Variants in WDFY4 observed in about 807,000 individuals in gnomAD.
WDFY4 encodes WD repeat- and FYVE domain-containing protein 4.
In WDFY4, 169 loss-of-function variants were observed where a neutral mutation model predicts 351.9. The observed-to-expected ratio is 0.48, with a 90% CI of 0.42 to 0.55. The LOEUF is 0.55. Ranked by LOEUF, WDFY4 falls within the 20% of genes least tolerant of loss-of-function variation. The pLI, the probability that WDFY4 is intolerant of heterozygous loss-of-function variation, is 0.00. For synonymous variants in WDFY4, 1,622 were observed against 1,574.6 expected (o/e 1.03, Z -0.71); for missense variants, 3,803 against 3,935.6 (o/e 0.97, Z 0.90).
chr10:48,729,493 G>C lies in WDFY4; in HGVS notation c.1033G>C (p.Val345Leu), dbSNP rs1165151021. Reference protein sequence around the residue: ...PHLEELLGLVVWLTTCGRSEL... With the variant: ...PHLEELLGLVLWLTTCGRSEL... ...TCTGGAGGAGCTCCTTGGGCTGGTGGTGTGGCTGACAACCTGTGGGAGGTC... is the reference window on the plus strand; with the variant it reads ...TCTGGAGGAGCTCCTTGGGCTGGTGCTGTGGCTGACAACCTGTGGGAGGTC... Residue 345 changes from valine (V) to leucine (L), a missense_variant, in exon 8 of 62, where the codon GTG (valine) becomes CTG (leucine). Val to Leu is a conservative substitution (Grantham distance 32, BLOSUM62 1). Coordinates refer to ENST00000325239, the MANE Select transcript of WDFY4 (RefSeq NM_001394531.1). 6.4e-7 allele frequency: 1 copy of C among 1,551,614 alleles called. No homozygotes were observed. Among genetic ancestry groups the C allele is most frequent in the Non-Finnish European group, 8.7e-7 (1 of 1,147,018 alleles).
intron 11 of WDFY4, among the ~76,000 whole-genome samples, chr10:48,738,255 A>G (rs890416355): frequency 5.9e-5 from 9 of 152,246 alleles, no homozygotes; most frequent in African/African-American, 1.9e-4. Context: ...GCTCATAGAA[A>G]GTTCCTTTTG....
chr10:48,897,976 C>A (rs993368402), intron 45 of WDFY4, among the ~76,000 whole-genome samples: 7 of 152,122 alleles, frequency 4.6e-5, no homozygotes, highest in African/African-American at 1.7e-4. Context: ...AGGGGTAAGA[C>A]CTCCCTTGCT....
chr10:48,900,131 C>T (rs561828975), intron 45 of WDFY4, 90 bp from the exon 46 acceptor site: 23 of 1,160,626 alleles, frequency 2.0e-5, no homozygotes, highest in South Asian at 3.0e-5. Flanking sequence ...CACGGAGACC[C>T]GCAATGACCC....
intron 1 of WDFY4, among the ~76,000 whole-genome samples, chr10:48,706,616 T>C (rs1023348443): frequency 2.0e-5 from 3 of 152,250 alleles, no homozygotes; most frequent in Non-Finnish European, 2.9e-5. Context: ...GTAGAAGGAA[T>C]GTCTGTCCCT....
chr10:48,956,821 G>A (rs1173482555), intron 51 of WDFY4, among the ~76,000 whole-genome samples: 1 of 152,234 alleles, frequency 6.6e-6, no homozygotes, highest in Non-Finnish European at 1.5e-5. Flanking sequence ...AGTCTTGGAA[G>A]TGCTCAGATG....
At chr10:48,862,074 A>G (rs1257617558) in intron 39 of WDFY4, among the ~76,000 whole-genome samples, 1 of 152,152 alleles carries the variant, frequency 6.6e-6, no homozygotes, top group Non-Finnish European at 1.5e-5. Flanking sequence ...TTGTTTCAGA[A>G]TGTTTTAAAT....
intron 39 of WDFY4, among the ~76,000 whole-genome samples, chr10:48,848,025 GC>G (rs1455128855): frequency 1.3e-5 from 2 of 152,098 alleles, no homozygotes; most frequent in Non-Finnish European, 2.9e-5. Flanking sequence ...GGATCCAGGG[GC>G]TGCATCTCCA....
chr10:48,687,567 A>G (rs1412803605), intron 1 of WDFY4, among the ~76,000 whole-genome samples: 1 of 148,566 alleles, frequency 6.7e-6, no homozygotes, highest in Non-Finnish European at 1.5e-5. Context: ...CTTTTCCCAT[A>G]TGGATAACCA....
rs140060784 is a variant in WDFY4 at position 48,899,392 on chromosome 10, G to A, written c.7438-829G>A. ...CTCTGCTCAGGAGAGTTAATGAACT[G>A]GACTTTGAGAACTCACTTCCAGCCA... On this transcript the variant is annotated intron_variant, in intron 45 of 61. Coordinates refer to ENST00000325239, the MANE Select transcript of WDFY4 (RefSeq NM_001394531.1). 5.7e-3 allele frequency among the ~76,000 whole-genome samples: 875 copies of A among 152,282 alleles called. 5 individuals carry two copies. Among genetic ancestry groups the A allele is most frequent in the Non-Finnish European group, 7.7e-3 (527 of 68,012 alleles).
intron 47 of WDFY4, among the ~76,000 whole-genome samples, chr10:48,908,353 C>A (rs746270898): frequency 1.9e-4 from 29 of 152,358 alleles, no homozygotes; most frequent in Middle Eastern, 3.4e-3. Context: ...GCCCAGCTAC[C>A]TCCAGAAAAC....
At chr10:48,833,170 T>TGAGAGA (rs535221665) in intron 39 of WDFY4, among the ~76,000 whole-genome samples, 1,481 of 139,230 alleles carry the variant, frequency 0.011, 7 homozygotes, top group Middle Eastern at 0.022. Context: ...TGTGTGTGTG[T>TGAGAGA]GTGAGAGAGA....
intron 39 of WDFY4, among the ~76,000 whole-genome samples, chr10:48,850,430 T>C (rs1165919525): frequency 6.6e-6 from 1 of 152,260 alleles, no homozygotes; most frequent in Admixed American, 6.5e-5. Flanking sequence ...CTTATCTTTT[T>C]GTTCAAATGG....
intron 39 of WDFY4, among the ~76,000 whole-genome samples, chr10:48,837,805 A>G (rs1403836548): frequency 6.6e-6 from 1 of 152,222 alleles, no homozygotes; most frequent in Non-Finnish European, 1.5e-5. Flanking sequence ...TACATAGAGC[A>G]TAAGCTGGAT....
At chr10:48,844,707 C>A (rs1457349374) in intron 39 of WDFY4, among the ~76,000 whole-genome samples, 2 of 152,178 alleles carry the variant, frequency 1.3e-5, no homozygotes, top group South Asian at 4.1e-4. Flanking sequence ...TTAAGATCTT[C>A]GAATCAAATG....
chr10:48,897,660 C>A, intron 45 of WDFY4, 86 bp downstream of exon 45: 1 of 1,488,330 alleles, frequency 6.7e-7, no homozygotes, highest in Non-Finnish European at 9.0e-7. Context: ...CAGAGACACA[C>A]CTCTGTGACT....
chr10:48,976,998 G>A lies in WDFY4; in HGVS notation c.9291+19G>A. ...GGTCCGGGTAGGTGTGTCTTGGGCA[G>A]AATGAGGACATGACACAAGAAACGT... is the stretch of plus-strand genomic sequence containing the variant. On this transcript the variant is annotated intron_variant, in intron 59 of 61. Coordinates refer to ENST00000325239, the MANE Select transcript of WDFY4 (RefSeq NM_001394531.1). 1.5e-6 allele frequency: 2 copies of A among 1,359,098 alleles called. No individual in the cohort carries two copies. The highest frequency in any genetic ancestry group is 1.9e-6 in the Non-Finnish European group (2 of 1,042,388). 84.2% of individuals were successfully genotyped at this position (1,359,098 alleles called of 1,614,324 possible). A position where few individuals can be genotyped will look rare whatever the true frequency, so the allele number is the denominator to read the frequency against.
intron 2 of WDFY4, among the ~76,000 whole-genome samples, chr10:48,712,899 T>C (rs1190287683): frequency 6.6e-6 from 1 of 152,220 alleles, no homozygotes; most frequent in Non-Finnish European, 1.5e-5. Flanking sequence ...TTGGTTGTCA[T>C]GGAAATCATA....
chr10:48,966,839 T>A, intron 55 of WDFY4, 166 bp downstream of exon 55: 1 of 980,272 alleles, frequency 1.0e-6, no homozygotes, highest in Non-Finnish European at 1.5e-6. Context: ...GTGTCATCTC[T>A]GGGAAGTGTC....
intron 52 of WDFY4, among the ~76,000 whole-genome samples, chr10:48,959,506 A>G (rs1398124809): frequency 6.6e-6 from 1 of 152,234 alleles, no homozygotes; most frequent in Non-Finnish European, 1.5e-5. Context: ...CTGCCTGGGA[A>G]GCAAGGAGGG....
Sources: allele counts gnomAD v4.1 joint callset (sites outside exome capture counted in the v4.1 genomes callset), GRCh38; gene constraint gnomAD v4.1.1; transcripts MANE v1.5; gene names NCBI Gene and HGNC (gene_info 2026-07-23, HGNC 2026-07-21).